Variants in ATP2A1 observed in about 807,000 individuals in gnomAD.
ATP2A1 encodes sarcoplasmic/endoplasmic reticulum calcium ATPase 1.
In ATP2A1, 83 loss-of-function variants were observed where a neutral mutation model predicts 109.5. The observed-to-expected ratio is 0.76, with a 90% confidence interval of 0.63 to 0.91. The LOEUF (loss-of-function observed/expected upper bound fraction) is 0.91. ATP2A1 is among the 40% of genes least tolerant of loss of function. The pLI is 0.00. For synonymous variants in ATP2A1, 505 were observed against 537.6 expected (o/e 0.94, Z 0.84); for missense variants, 1,101 against 1,341.0 (o/e 0.82, Z 2.80).
Position 28,900,926 on chromosome 16 carries a change from C to T in ATP2A1, c.2100+10C>T. ...TGAGATCACAGCCATGGTGAGAGGG[C>T]CCAGGCAGCTGCAGCCTTAGTGTCC... On this transcript the variant is annotated intron_variant, in intron 15 of 22. Transcript: ENST00000395503. 1 of 1,613,918 alleles carries T rather than the reference C, an allele frequency of 6.2e-7. No individual in the cohort carries two copies. Among genetic ancestry groups the T allele is most frequent in the Non-Finnish European group, 8.5e-7 (1 of 1,179,920 alleles).
In ATP2A1 at chr16:28,878,631, G is replaced by C. The variant is rs1232942040; in HGVS notation, c.-41G>C. On this transcript the variant is annotated 5_prime_UTR_variant, in exon 1 of 23. Coordinates refer to ENST00000395503, the MANE Select transcript of ATP2A1 (RefSeq NM_004320.6). ...GACCCCCCACGAGTGGGAACCCCCTGGAAGGAACACACCGGCCCCGGCCCC... is the reference window on the plus strand; with the variant it reads ...GACCCCCCACGAGTGGGAACCCCCTCGAAGGAACACACCGGCCCCGGCCCC... 6.5e-7 allele frequency: 1 copy of C among 1,539,724 alleles called. No individual in the cohort carries two copies. Among genetic ancestry groups the C allele is most frequent in the South Asian group, 1.2e-5 (1 of 85,206 alleles).
In ATP2A1 at chr16:28,900,861, C is replaced by T. The variant is rs760340608; in HGVS notation, c.2045C>T (p.Ser682Leu). ...TGCTGCTTCGCCCGTGTGGAGCCCT[C>T]GCACAAGTCCAAGATTGTGGAGTAC... is the stretch of plus-strand genomic sequence containing the variant. ...RACCFARVEP[S>L]HKSKIVEYLQ... Residue 682 changes from serine to leucine, a missense_variant, in exon 15 of 23, where the codon TCG becomes TTG. Physicochemically the swap from Ser to Leu is moderately radical, Grantham distance 145. Coordinates refer to ENST00000395503, the MANE Select transcript of ATP2A1 (RefSeq NM_004320.6). 19 of 1,614,042 alleles carry T rather than the reference C, an allele frequency of 1.2e-5. No homozygotes were observed. The highest frequency in any genetic ancestry group is 1.6e-4 in the Middle Eastern group (1 of 6,084).
chr16:28,902,801 GGAC>G lies in ATP2A1; in HGVS notation c.2635_2637del (p.Asp879del). 6.2e-7 allele frequency: 1 copy of G among 1,613,854 alleles called. No individual in the cohort carries two copies. The highest frequency in any genetic ancestry group is 8.5e-7 in the Non-Finnish European group (1 of 1,179,906). ...AGACTCACTTCATGCAGTGCACCGA[GGAC>G]AACACCCACTTTGAGGGCATAGACT... On this transcript the variant is annotated inframe_deletion, in exon 19 of 23. Coordinates refer to ENST00000395503, the MANE Select transcript of ATP2A1 (RefSeq NM_004320.6). This position sits in a 1 kb window ranked among gnomAD's most constrained non-coding sequence, Gnocchi z 4.8.
In ATP2A1 at chr16:28,902,262, C is replaced by G; in HGVS notation, c.2400C>G (p.Asp800Glu). ...TGCTATGGGTGAACTTGGTGACCGA[C>G]GGGCTCCCAGCCACAGCCCTGGGCT... ...VQLLWVNLVT[D>E]GLPATALGFN... is the part of the protein sequence containing the mutation. Residue 800 changes from aspartate (D) to glutamate (E), a missense_variant, in exon 17 of 23, where the codon GAC becomes GAG. Transcript: ENST00000395503. The surrounding 1 kb of genome is among the most constrained non-coding windows in gnomAD (Gnocchi z 4.8). 6.2e-7 allele frequency: 1 copy of G among 1,614,132 alleles called. No homozygotes were observed. Among genetic ancestry groups the G allele is most frequent in the Non-Finnish European group, 8.5e-7 (1 of 1,180,014 alleles).
chr16:28,880,226 C>T lies in ATP2A1; in HGVS notation c.219+643C>T. On this transcript the variant is annotated intron_variant, in intron 3 of 22. Coordinates refer to ENST00000395503, the MANE Select transcript of ATP2A1 (RefSeq NM_004320.6). The surrounding 1 kb of genome is among the most constrained non-coding windows in gnomAD (Gnocchi z 4.2). ...CTCCTCTCCCGCCCTGGGGGCTACTCCCCATCCCGCGGTCCATCTGCATGT... is the reference window on the plus strand; with the variant it reads ...CTCCTCTCCCGCCCTGGGGGCTACTTCCCATCCCGCGGTCCATCTGCATGT... 2.7e-6 allele frequency: 2 copies of T among 728,454 alleles called. No homozygotes were observed. The highest frequency in any genetic ancestry group is 5.8e-5 in the South Asian group (1 of 17,358). 45.1% of individuals were successfully genotyped at this position (728,454 alleles called of 1,614,324 possible).
In ATP2A1 at chr16:28,900,511, C is replaced by G. The variant is rs1321418593; in HGVS notation, c.1765-70C>G. ...TGACCTTTCACCCCATCCCCACCCC[C>G]CACCAGCTTCCTCCAGGGGAGTTTT... is the stretch of plus-strand genomic sequence containing the variant. On this transcript the variant is annotated intron_variant, in intron 14 of 22. Coordinates refer to ENST00000395503, the MANE Select transcript of ATP2A1 (RefSeq NM_004320.6). 3 of 1,421,828 alleles carry G rather than the reference C, an allele frequency of 2.1e-6. No individual in the cohort carries two copies. The African/African-American group carries it at 4.3e-5, about 20-fold the overall frequency. 88.1% of individuals were successfully genotyped at this position (1,421,828 alleles called of 1,614,324 possible).
At position 28,902,297 on chromosome 16, in the gene ATP2A1, C is replaced by G; in HGVS notation, c.2435C>G (p.Pro812Arg). The G allele has an allele frequency of 6.2e-7, 1 of 1,614,160 alleles. No individual in the cohort carries two copies. The highest frequency in any genetic ancestry group is 8.5e-7 in the Non-Finnish European group (1 of 1,180,026). ...LPATALGFNP[P>R]DLDIMDRPPR... The stretch of plus-strand genomic sequence containing the variant: ...GCCACAGCCCTGGGCTTCAACCCAC[C>G]AGACCTGGACATCATGGACCGCCCC... The change falls in exon 17 of 23, where the codon CCA (proline) becomes CGA (arginine). Residue 812 changes from proline (P) to arginine (R), a missense_variant. By Grantham distance (103) the Pro-to-Arg change is moderately radical (BLOSUM62 -2). Transcript: ENST00000395503. The surrounding 1 kb of genome is among the most constrained non-coding windows in gnomAD (Gnocchi z 4.8).
rs1323999416 is a variant in ATP2A1 at position 28,902,253 on chromosome 16, G to C, written c.2391G>C (p.Leu797Phe). 1 of 1,614,128 alleles carries C rather than the reference G, an allele frequency of 6.2e-7. No homozygotes were observed. Among genetic ancestry groups the C allele is most frequent in the Admixed American group, 1.7e-5 (1 of 60,008 alleles). ...CGGTGCAGCTGCTATGGGTGAACTT[G>C]GTGACCGACGGGCTCCCAGCCACAG... ...LIPVQLLWVN[L>F]VTDGLPATAL... The change falls in exon 17 of 23, where the codon TTG (leucine) becomes TTC (phenylalanine). Residue 797 changes from leucine (L) to phenylalanine (F), a missense_variant. By Grantham distance (22) the Leu-to-Phe change is conservative. Coordinates refer to ENST00000395503, the MANE Select transcript of ATP2A1 (RefSeq NM_004320.6). This position sits in a 1 kb window ranked among gnomAD's most constrained non-coding sequence, Gnocchi z 4.8.
At position 28,902,291 on chromosome 16, in the gene ATP2A1, A is replaced by C; in HGVS notation, c.2429A>C (p.Asn810Thr). ...CTCCCAGCCACAGCCCTGGGCTTCA[A>C]CCCACCAGACCTGGACATCATGGAC... ...DGLPATALGF[N>T]PPDLDIMDRP... is the part of the protein sequence containing the mutation. The change falls in exon 17 of 23, where the codon AAC becomes ACC. Residue 810 changes from asparagine to threonine, a missense_variant. By Grantham distance (65) the Asn-to-Thr change is moderately conservative (BLOSUM62 0). Transcript: ENST00000395503. The surrounding 1 kb of genome is among the most constrained non-coding windows in gnomAD (Gnocchi z 4.8). 1 of 1,614,022 alleles carries C rather than the reference A, an allele frequency of 6.2e-7. No individual in the cohort carries two copies. Among genetic ancestry groups the C allele is most frequent in the Non-Finnish European group, 8.5e-7 (1 of 1,179,986 alleles).
chr16:28,902,205 G>C lies in ATP2A1; in HGVS notation c.2343G>C (p.Leu781=). ...EVVCIFLTAA[L]GLPEALIPVQ... ...ACAGTATCTTCCTGACCGCTGCCCT[G>C]GGGCTGCCTGAGGCCCTGATCCCGG... Residue 781 remains leucine, a synonymous_variant, in exon 17 of 23, where the codon CTG becomes CTC. Coordinates refer to ENST00000395503, the MANE Select transcript of ATP2A1 (RefSeq NM_004320.6). The surrounding 1 kb of genome is among the most constrained non-coding windows in gnomAD (Gnocchi z 4.8). The C allele has an allele frequency of 1.9e-6, 3 of 1,614,140 alleles. No individual in the cohort carries two copies. Among genetic ancestry groups the C allele is most frequent in the Non-Finnish European group, 2.5e-6 (3 of 1,180,014 alleles).
rs1295676827 is a variant in ATP2A1, at chr16:28,883,573, C to G, written c.463+984C>G. 6.6e-6 allele frequency among the ~76,000 whole-genome samples: 1 copy of G among 152,184 alleles called. No individual in the cohort carries two copies. Among genetic ancestry groups the G allele is most frequent in the African/African-American group, 2.4e-5 (1 of 41,434 alleles). ...CCTGTCCCCAGTACCATCCGTGGGA[C>G]CAGTGCGGAATTAGGCAGCGGCCCT... On this transcript the variant is annotated intron_variant, in intron 5 of 22. Transcript: ENST00000395503. This position sits in a 1 kb window ranked among gnomAD's most constrained non-coding sequence, Gnocchi z 5.2.
chr16:28,903,311 C>T lies in ATP2A1; in HGVS notation c.2863-12C>T, dbSNP rs1964143868. ...CACCCCCTCCTGAGAGGGCGCTTGT[C>T]CCCTGCCCCAGATGATCTTCAAGCT... is the stretch of plus-strand genomic sequence containing the variant. On this transcript the variant is annotated splice_polypyrimidine_tract_variant and intron_variant, in intron 20 of 22. Transcript: ENST00000395503. The surrounding 1 kb of genome is among the most constrained non-coding windows in gnomAD (Gnocchi z 5.6). 3 of 1,609,580 alleles carry T rather than the reference C, an allele frequency of 1.9e-6. No homozygotes were observed. The highest frequency in any genetic ancestry group is 2.6e-6 in the Non-Finnish European group (3 of 1,176,264).
In ATP2A1 at chr16:28,903,166, A is replaced by T; in HGVS notation, c.2862+19A>T. On this transcript the variant is annotated intron_variant, in intron 20 of 22. Coordinates refer to ENST00000395503, the MANE Select transcript of ATP2A1 (RefSeq NM_004320.6). The surrounding 1 kb of genome is among the most constrained non-coding windows in gnomAD (Gnocchi z 5.6). The stretch of plus-strand genomic sequence containing the variant: ...CCTGCCGGTGAGGTTTCTTCCGCCC[A>T]GGGCCGCCCACCCCAGCACTGGGGA... The T allele has an allele frequency of 6.2e-7, 1 of 1,612,112 alleles. No individual in the cohort carries two copies.
At chr16:28,882,936 C>A (rs1004248466) in intron 5 of ATP2A1, among the ~76,000 whole-genome samples, 2 of 152,238 alleles carry the variant, frequency 1.3e-5, no homozygotes, top group African/African-American at 4.8e-5. Flanking sequence ...CTTCCACCCA[C>A]CCCAAGCTTG....
chr16:28,897,911 C>T, intron 12 of ATP2A1, 89 bp from the exon 13 acceptor site: 1 of 1,534,278 alleles, frequency 6.5e-7, no homozygotes, highest in South Asian at 1.1e-5. Context: ...TAGTGTTAGT[C>T]TCAGCCTTAG....
Position 28,878,581 on chromosome 16 carries a change from A to G in ATP2A1, c.-91A>G, listed in dbSNP as rs751307828. ...GAGTAAAAAGAAGAAACCCAGGCAG[A>G]CAGGCAGTTGGACACACTGAGGAAG... On this transcript the variant is annotated 5_prime_UTR_variant, in exon 1 of 23. Coordinates refer to ENST00000395503, the MANE Select transcript of ATP2A1 (RefSeq NM_004320.6). The G allele has an allele frequency of 7.4e-6, 8 of 1,074,560 alleles. No individual in the cohort carries two copies. Among genetic ancestry groups the G allele is most frequent in the Non-Finnish European group, 1.1e-5 (8 of 713,228 alleles). The allele number at this position is 1,074,560 out of a possible 1,614,324, so 66.6% of individuals were successfully genotyped here.
intron 15 of ATP2A1, among the ~76,000 whole-genome samples, 153 bp downstream of exon 15, chr16:28,901,069 G>A (rs932653987): frequency 6.6e-6 from 1 of 152,078 alleles, no homozygotes; most frequent in African/African-American, 2.4e-5. Flanking sequence ...GAGGATTTGT[G>A]GGCTGGGCCT....
rs528973680 is a variant in ATP2A1 at position 28,882,601 on chromosome 16, G to T, written c.463+12G>T. ...CGTGGAGGTGGCTGGTGAGTGACAG[G>T]GACGGCTGGTCCAGGATGGGAGGCC... On this transcript the variant is annotated intron_variant, in intron 5 of 22. Coordinates refer to ENST00000395503, the MANE Select transcript of ATP2A1 (RefSeq NM_004320.6). 1 of 1,613,928 alleles carries T rather than the reference G, an allele frequency of 6.2e-7. No homozygotes were observed. The highest frequency in any genetic ancestry group is 1.7e-5 in the Admixed American group (1 of 59,986).
In ATP2A1 at chr16:28,878,751, A is replaced by G. The variant is rs1398470175; in HGVS notation, c.80A>G (p.Asp27Gly). 2 of 1,613,812 alleles carry G rather than the reference A, an allele frequency of 1.2e-6. No homozygotes were observed. The highest frequency in any genetic ancestry group is 4.5e-5 in the East Asian group (2 of 44,878). Residue 27 changes from aspartate to glycine, a missense_variant, in exon 1 of 23, where the codon GAC becomes GGC. Asp to Gly is a moderately conservative substitution (Grantham distance 94). Transcript: ENST00000395503. ...AGTGAGACCACGGGCCTCACCCCGG[A>G]CCAAGTTAAGCGGAATCTGGAGAAA... ...GVSETTGLTP[D>G]QVKRNLEKYG...
Sources: gnomAD v4.1 joint callset for allele counts (sites outside exome capture counted in the v4.1 genomes callset) on GRCh38, gnomAD v4.1.1 for gene constraint, Gnocchi (gnomAD v3.1) non-coding constraint, MANE v1.5 for transcripts, NCBI Gene and HGNC (gene_info 2026-07-23, HGNC 2026-07-21) for gene names.